The following PTK2B variants were observed in gnomAD, a reference collection of about 807,000 sequenced individuals.
PTK2B encodes protein tyrosine kinase 2 beta.
A neutral mutation model predicts 142.9 loss-of-function variants in PTK2B; 71 were observed. The ratio of observed to expected loss-of-function variants is 0.50; its 90% CI spans 0.41 to 0.61. The LOEUF (loss-of-function observed/expected upper bound fraction) is 0.61, where lower values mean the gene tolerates loss of function less well. Ranked by LOEUF, PTK2B falls within the 20% of genes least tolerant of loss-of-function variation. The pLI, the probability that PTK2B is intolerant of heterozygous loss-of-function variation, is 0.00. For synonymous variants in PTK2B, 519 were observed against 503.4 expected (o/e 1.03, Z -0.42); for missense variants, 1,105 against 1,320.4 (o/e 0.84, Z 2.53).
intron 1 of PTK2B, among the ~76,000 whole-genome samples, chr8:27,335,337 A>G (rs1803994236): frequency 6.6e-6 from 1 of 152,240 alleles, no homozygotes; most frequent in African/African-American, 2.4e-5. Flanking sequence ...TCATGCCTGT[A>G]ATCCCAGCAC....
chr8:27,390,583 G>A (rs1028044230), intron 1 of PTK2B, among the ~76,000 whole-genome samples: 6 of 152,158 alleles, frequency 3.9e-5, no homozygotes, highest in African/African-American at 1.4e-4. Context: ...TGAGGCTGTA[G>A]TAAGATATGA....
chr8:27,327,951 A>G (rs550452971), intron 1 of PTK2B, among the ~76,000 whole-genome samples: 25 of 152,372 alleles, frequency 1.6e-4, no homozygotes, highest in African/African-American at 5.8e-4. Context: ...GCAAAGCAAC[A>G]GCCACAGAGT....
chr8:27,316,363 A>G (rs368937176), intron 3 of PTK2B, among the ~76,000 whole-genome samples: 23 of 152,096 alleles, frequency 1.5e-4, no homozygotes, highest in African/African-American at 5.1e-4. Context: ...TTGTTAGATT[A>G]TATAAAAAGG....
chr8:27,365,811 G>A lies in PTK2B; in HGVS notation c.-37-31737G>A, dbSNP rs144748697. On this transcript the variant is annotated intron_variant, in intron 1 of 30. Transcript: ENST00000346049. The stretch of plus-strand genomic sequence containing the variant: ...GCTAGGAGGGCCTGAGATGACCCTG[G>A]TGATGGGGACTGTTCCAGCCAGACA... Among the ~76,000 whole-genome samples, 221 of 152,316 alleles carry A rather than the reference G, an allele frequency of 1.5e-3. 1 individual carries two copies. Among genetic ancestry groups the A allele is most frequent in the African/African-American group, 4.7e-3 (194 of 41,568 alleles).
At chr8:27,448,393 A>G (rs1264159137) in intron 24 of PTK2B, among the ~76,000 whole-genome samples, 7 of 152,254 alleles carry the variant, frequency 4.6e-5, no homozygotes, top group Non-Finnish European at 7.3e-5. Flanking sequence ...CCATTACCTA[A>G]TAAGAATATT....
chr8:27,344,109 T>C (rs1184466443), intron 1 of PTK2B, among the ~76,000 whole-genome samples: 2 of 152,198 alleles, frequency 1.3e-5, no homozygotes, highest in Admixed American at 6.5e-5. Context: ...ACTCAGTTCC[T>C]GCCTATATTT....
At chr8:27,405,422 T>C (rs946451028) in intron 2 of PTK2B, among the ~76,000 whole-genome samples, 2 of 152,136 alleles carry the variant, frequency 1.3e-5, no homozygotes, top group Non-Finnish European at 2.9e-5. Context: ...TCCTGGTAAG[T>C]TGCCATTTTT....
chr8:27,435,855 A>G (rs1382383492), intron 14 of PTK2B, 62 bp downstream of exon 14: 6 of 1,539,364 alleles, frequency 3.9e-6, no homozygotes, highest in Non-Finnish European at 5.4e-6. Flanking sequence ...CATGGCAAGG[A>G]CTCTGGTGAC....
chr8:27,454,376 C>T, intron 29 of PTK2B, 85 bp downstream of exon 29: 1 of 1,566,052 alleles, frequency 6.4e-7, no homozygotes, highest in Non-Finnish European at 8.7e-7. Context: ...GTTGGCTGGC[C>T]CAGCAGATCC....
chr8:27,435,769 G>A lies in PTK2B; in HGVS notation c.1219G>A (p.Asp407Asn), dbSNP rs775157680. ...IESDIYAEIP[D>N]ETLRRPGGPQ... is the part of the protein sequence containing the mutation. ...GTCAGACATCTACGCAGAGATTCCC[G>A]ACGAAACCCTGCGAAGGCCCGGAGG... The change falls in exon 14 of 31, where the codon GAC (aspartate) becomes AAC (asparagine). Residue 407 changes from aspartate (D) to asparagine (N), a missense_variant. Asp to Asn is a conservative substitution (Grantham distance 23). Transcript: ENST00000346049. 9.3e-6 allele frequency: 15 copies of A among 1,614,106 alleles called. No homozygotes were observed. Among genetic ancestry groups the A allele is most frequent in the East Asian group, 2.2e-5 (1 of 44,880 alleles).
intron 2 of PTK2B, among the ~76,000 whole-genome samples, chr8:27,402,551 A>G (rs1475383710): frequency 6.6e-6 from 1 of 152,196 alleles, no homozygotes; most frequent in Non-Finnish European, 1.5e-5. Flanking sequence ...TTACTCCATC[A>G]TCCACTCCAC....
At chr8:27,322,876 G>GCGTGC (rs1385148831), upstream of PTK2B, 2 of 140,416 alleles carry the variant, frequency 1.4e-5, no homozygotes, top group Non-Finnish European at 2.9e-5. Flanking sequence ...ACTCATCAGC[G>GCGTGC]CGTGCCGCCT....
At chr8:27,410,103 C>CA (rs1355415785) in intron 2 of PTK2B, among the ~76,000 whole-genome samples, 2 of 152,016 alleles carry the variant, frequency 1.3e-5, no homozygotes, top group African/African-American at 2.4e-5. Context: ...AACAAACAAA[C>CA]AAAAAAGAAT....
At position 27,454,540 on chromosome 8, in the gene PTK2B, C is replaced by T. The variant is rs762937132; in HGVS notation, c.2743C>T (p.Leu915=). ...GYVVVVKNVG[L]TLRKLIGSVD... Reference sequence around the variant, plus strand: ...CCCTTTCTCCCCCCAGAATGTGGGGCTGACCCTGCGGAAGCTCATCGGGAG... The same window carrying T: ...CCCTTTCTCCCCCCAGAATGTGGGGTTGACCCTGCGGAAGCTCATCGGGAG... The change falls in exon 30 of 31, where the codon CTG becomes TTG. Residue 915 remains leucine, a synonymous_variant. Coordinates refer to ENST00000346049, the MANE Select transcript of PTK2B (RefSeq NM_173176.3). 5 of 1,614,074 alleles carry T rather than the reference C, an allele frequency of 3.1e-6. No individual in the cohort carries two copies. The highest frequency in any genetic ancestry group is 3.3e-5 in the Admixed American group (2 of 60,010).
intron 1 of PTK2B, among the ~76,000 whole-genome samples, chr8:27,391,796 T>A (rs1188094306): frequency 6.6e-6 from 1 of 152,248 alleles, no homozygotes; most frequent in Non-Finnish European, 1.5e-5. Context: ...AAGAAGTTCT[T>A]ACAGACAATC....
At chr8:27,372,912 T>C (rs1488032909) in intron 1 of PTK2B, among the ~76,000 whole-genome samples, 1 of 152,178 alleles carries the variant, frequency 6.6e-6, no homozygotes, top group Non-Finnish European at 1.5e-5. Context: ...ATACAAAGTC[T>C]AAATTTCCAC....
chr8:27,320,980 C>CTTTTTT (rs776395346), upstream of PTK2B, among the ~76,000 whole-genome samples: 273 of 39,396 alleles, frequency 6.9e-3, 66 homozygotes, highest in African/African-American at 8.2e-3. Context: ...ATACAAAAGG[C>CTTTTTT]TTTTTTTTTT....
chr8:27,433,952 A>C, intron 11 of PTK2B, 141 bp from the exon 12 acceptor site: 1 of 1,183,962 alleles, frequency 8.4e-7, no homozygotes. Context: ...CCAAGGCCTC[A>C]CTAGCTCCCA....
intron 5 of PTK2B, among the ~76,000 whole-genome samples, chr8:27,428,817 G>A (rs554323915): frequency 6.6e-6 from 1 of 152,288 alleles, no homozygotes; most frequent in South Asian, 2.1e-4. Flanking sequence ...TTGCTTGACA[G>A]TATATTCAAA....
Sources: gnomAD v4.1 joint callset for allele counts (sites outside exome capture counted in the v4.1 genomes callset) on GRCh38, gnomAD v4.1.1 for gene constraint, MANE v1.5 for transcripts, NCBI Gene and HGNC (gene_info 2026-07-23, HGNC 2026-07-21) for gene names.